The following ACOT12 variants were observed in gnomAD, a reference collection of about 807,000 sequenced individuals.
ACOT12 encodes acetyl-coenzyme A thioesterase.
ACOT12 carries 51 observed loss-of-function variants against 67.7 expected under a neutral mutation model. That is an observed-to-expected ratio of 0.75 (90% CI 0.60 to 0.95). The LOEUF is 0.95. Ranked by LOEUF, ACOT12 falls within the 40% of genes least tolerant of loss-of-function variation. The pLI is 0.00. For missense variants in ACOT12, 734 were observed against 708.1 expected (o/e 1.04, Z -0.41); for synonymous variants, 251 against 244.6 (o/e 1.03, Z -0.24).
At chr5:81,376,718 C>T (rs1040255299) in intron 2 of ACOT12, among the ~76,000 whole-genome samples, 1 of 152,078 alleles carries the variant, frequency 6.6e-6, no homozygotes, top group African/African-American at 2.4e-5. Context: ...CACCTCTACG[C>T]AAATAAACTA....
At chr5:81,312,018 A>T in the ACOT12 span, among the ~76,000 whole-genome samples, 2 of 152,164 alleles carry the variant, frequency 1.3e-5, no homozygotes, top group Non-Finnish European at 2.9e-5. Flanking sequence ...CTAACATTTA[A>T]ATTTGAAAAC....
intron 1 of ACOT12, among the ~76,000 whole-genome samples, chr5:81,389,371 T>G (rs1760807491): frequency 6.6e-6 from 1 of 152,224 alleles, no homozygotes; most frequent in African/African-American, 2.4e-5. Flanking sequence ...ATTGTTGCAC[T>G]GCCTTCTGGT....
chr5:81,386,191 T>C, intron 1 of ACOT12, among the ~76,000 whole-genome samples: 1 of 152,188 alleles, frequency 6.6e-6, no homozygotes, highest in East Asian at 1.9e-4. Context: ...AATCAAAGCA[T>C]CACAGGTGTA....
At chr5:81,311,119 G>C in the ACOT12 span, 1 of 1,280,918 alleles carries the variant, frequency 7.8e-7, no homozygotes, top group Non-Finnish European at 1.1e-6. Context: ...TGACAGGGTT[G>C]TGAGGATCCA....
chr5:81,367,295 A>C (rs1760109108), intron 3 of ACOT12, among the ~76,000 whole-genome samples: 2 of 152,194 alleles, frequency 1.3e-5, no homozygotes, highest in South Asian at 2.1e-4. Context: ...TATATATAAA[A>C]TACTTCTTTT....
chr5:81,337,185 G>C (rs955650735), intron 11 of ACOT12, among the ~76,000 whole-genome samples: 4 of 152,180 alleles, frequency 2.6e-5, no homozygotes, highest in African/African-American at 4.8e-5. Flanking sequence ...TCCAATCGGT[G>C]GTTGGTAGGT....
At chr5:81,382,896 C>T (rs776837722) in intron 2 of ACOT12, among the ~76,000 whole-genome samples, 4 of 151,538 alleles carry the variant, frequency 2.6e-5, no homozygotes, top group Non-Finnish European at 4.4e-5. Flanking sequence ...GGGAAAGAGT[C>T]AAGACTTTCC....
At chr5:81,329,740 C>T (rs556690527), downstream of ACOT12, among the ~76,000 whole-genome samples, 23 of 152,176 alleles carry the variant, frequency 1.5e-4, no homozygotes, top group Non-Finnish European at 3.2e-4. Context: ...TCAATATTCT[C>T]TTTCTCTGTA....
At chr5:81,365,486 G>T (rs1451590428) in intron 3 of ACOT12, among the ~76,000 whole-genome samples, 1 of 152,068 alleles carries the variant, frequency 6.6e-6, no homozygotes, top group Non-Finnish European at 1.5e-5. Context: ...ATACCTAACA[G>T]TAAAAACAAA....
At chr5:81,380,585 AG>A in intron 2 of ACOT12, among the ~76,000 whole-genome samples, 2 of 148,636 alleles carry the variant, frequency 1.3e-5, no homozygotes, top group Non-Finnish European at 3.0e-5. Context: ...AAAAAAGAAA[AG>A]AAATCTATCC....
intron 14 of ACOT12, 30 bp from the exon 15 acceptor site, chr5:81,330,573 A>G (rs1418467886): frequency 1.2e-6 from 2 of 1,608,162 alleles, no homozygotes; most frequent in Non-Finnish European, 1.7e-6. Flanking sequence ...CAATATTTTA[A>G]TTTCTTATTG....
intron 2 of ACOT12, among the ~76,000 whole-genome samples, chr5:81,376,115 A>G (rs989372636): frequency 3.9e-5 from 6 of 152,184 alleles, no homozygotes; most frequent in Non-Finnish European, 8.8e-5. Context: ...CAAATGCAAA[A>G]GAACGGAAAT....
chr5:81,324,214 T>A, the ACOT12 span, among the ~76,000 whole-genome samples: 1 of 152,178 alleles, frequency 6.6e-6, no homozygotes, highest in Non-Finnish European at 1.5e-5. Context: ...GTGCTGAGAT[T>A]ACAAGTGTGA....
chr5:81,386,059 T>G (rs939400320), intron 1 of ACOT12, among the ~76,000 whole-genome samples: 2 of 152,244 alleles, frequency 1.3e-5, no homozygotes, highest in African/African-American at 4.8e-5. Context: ...ATTTTTAACT[T>G]ACATGGTCTT....
intron 5 of ACOT12, among the ~76,000 whole-genome samples, chr5:81,348,232 G>A (rs1201272669): frequency 6.6e-6 from 1 of 152,192 alleles, no homozygotes; most frequent in Non-Finnish European, 1.5e-5. Flanking sequence ...TGAGTTGTTT[G>A]TGGTGGGGTA....
chr5:81,362,163 CTTTTTTTT>C (rs529301882), intron 4 of ACOT12, among the ~76,000 whole-genome samples: 2 of 131,638 alleles, frequency 1.5e-5, no homozygotes, highest in Non-Finnish European at 3.2e-5. Context: ...CTATTATATT[CTTTTTTTT>C]TTTTTTTTTT....
intron 1 of ACOT12, among the ~76,000 whole-genome samples, chr5:81,391,882 G>A (rs1262481020): frequency 6.6e-6 from 1 of 152,302 alleles, no homozygotes; most frequent in Non-Finnish European, 1.5e-5. Context: ...TATCAAGGAT[G>A]ACTCCTAGAC....
downstream of ACOT12, among the ~76,000 whole-genome samples, chr5:81,326,656 G>A (rs942160479): frequency 6.6e-6 from 1 of 152,172 alleles, no homozygotes; most frequent in African/African-American, 2.4e-5. Context: ...ACCAAAGGCC[G>A]ATAACTTTTT....
downstream of ACOT12, among the ~76,000 whole-genome samples, chr5:81,326,606 G>T (rs1336334897): frequency 6.6e-6 from 1 of 152,218 alleles, no homozygotes; most frequent in Non-Finnish European, 1.5e-5. Context: ...AGGGCCTAGT[G>T]AATGCTGCAG....
Sources: allele counts gnomAD v4.1 joint callset (sites outside exome capture counted in the v4.1 genomes callset), GRCh38; gene constraint gnomAD v4.1.1; transcripts MANE v1.5; gene names NCBI Gene and HGNC (gene_info 2026-07-23, HGNC 2026-07-21).